Variants in DNAH1 observed in about 807,000 individuals in gnomAD.
DNAH1 encodes the protein dynein axonemal heavy chain 1, also known as axonemal beta dynein heavy chain 1.
Under a neutral mutation model 484.3 loss-of-function variants are expected in DNAH1, and 327 were observed. The observed-to-expected ratio is 0.68, with a 90% CI of 0.62 to 0.74. The LOEUF (loss-of-function observed/expected upper bound fraction) is 0.74, where lower values mean the gene tolerates loss of function less well. Among genes scored for constraint, DNAH1 ranks in the 30% least tolerant of loss-of-function variants. DNAH1 has a pLI of 0.00. For synonymous variants in DNAH1, 2,192 were observed against 2,191.9 expected (o/e 1.00, Z 0.00); for missense variants, 5,052 against 5,546.8 (o/e 0.91, Z 2.83).
intron 44 of DNAH1, chr3:52,373,937 G>C (rs563807957): frequency 7.6e-6 from 10 of 1,315,614 alleles, no homozygotes; most frequent in Non-Finnish European, 9.8e-6. Context: ...ATGAACCAAC[G>C]TTAGAAGCAG....
At chr3:52,370,908 G>C in intron 41 of DNAH1, 83 bp downstream of exon 41, 12 of 1,382,788 alleles carry the variant, frequency 8.7e-6, no homozygotes, top group Non-Finnish European at 1.2e-5. Context: ...TGGCCACACA[G>C]GGAGCCGTCA....
chr3:52,386,474 G>A, intron 55 of DNAH1, 129 bp downstream of exon 55: 2 of 1,353,740 alleles, frequency 1.5e-6, no homozygotes, highest in Non-Finnish European at 2.0e-6. Context: ...GCCCAAGTAG[G>A]AGCATGGGCA....
rs79933878 is a variant in DNAH1, at chr3:52,324,143, T to G, written c.406+263T>G. ...CTGCCAGGGGTCAGAGCCACAGCTT[T>G]CTTTCCCTGGCTGAGGTCAGAAGGG... On this transcript the variant is annotated intron_variant, in intron 3 of 77. Transcript: ENST00000420323. Among the ~76,000 whole-genome samples, 956 of 152,284 alleles carry G rather than the reference T, an allele frequency of 6.3e-3. 7 individuals are homozygous for G. The highest frequency in any genetic ancestry group is 9.7e-3 in the Non-Finnish European group (659 of 68,010).
rs546655342 is a variant in DNAH1, at chr3:52,349,788, G to A, written c.2527-201G>A. On this transcript the variant is annotated intron_variant, in intron 14 of 77. Coordinates refer to ENST00000420323, the MANE Select transcript of DNAH1 (RefSeq NM_015512.5). Reference sequence around the variant, plus strand: ...GGAGGCTGGAAGGGTGAGGTGTGCCGGGTCATACCCTTGCCCCACTGACAG... The same window carrying A: ...GGAGGCTGGAAGGGTGAGGTGTGCCAGGTCATACCCTTGCCCCACTGACAG... Among the ~76,000 whole-genome samples, 48 of 152,322 alleles carry A rather than the reference G, an allele frequency of 3.2e-4. No individual in the cohort carries two copies. The Middle Eastern group carries it at 0.01, about 32-fold the overall frequency.
intron 22 of DNAH1, among the ~76,000 whole-genome samples, chr3:52,357,344 A>T (rs1461963378): frequency 6.6e-6 from 1 of 152,152 alleles, no homozygotes; most frequent in Non-Finnish European, 1.5e-5. Context: ...GTGAGCCACC[A>T]TGCCCGGCCC....
rs972136179 is a variant in DNAH1, at chr3:52,388,150, C to T, written c.9004-17C>T. The T allele has an allele frequency of 3.5e-5, 56 of 1,602,510 alleles. No homozygotes were observed. The highest frequency in any genetic ancestry group is 4.6e-5 in the Non-Finnish European group (54 of 1,174,516). On this transcript the variant is annotated splice_polypyrimidine_tract_variant and intron_variant, in intron 56 of 77. Transcript: ENST00000420323. ...CCTTGAGAAGCAGCCTCTTGAGACC[C>T]AGGCTTCCCACCTCAGGACAACATT...
Position 52,332,287 on chromosome 3 carries a change from G to A in DNAH1, c.1179G>A (p.Leu393=). ...KNTEALLLYN[L]YVDCMPSDGQ... is the part of the protein sequence containing the mutation. ...CGGAAGCACTGCTGCTCTACAACTT[G>A]TATGTGGACTGCATGCCCTCTGACG... Residue 393 remains leucine (L), a synonymous_variant, in exon 8 of 78, where the codon TTG becomes TTA. Coordinates refer to ENST00000420323, the MANE Select transcript of DNAH1 (RefSeq NM_015512.5). 2 of 1,614,074 alleles carry A rather than the reference G, an allele frequency of 1.2e-6. No homozygotes were observed. The highest frequency in any genetic ancestry group is 2.2e-5 in the South Asian group (2 of 91,082).
intron 16 of DNAH1, 148 bp from the exon 17 acceptor site, chr3:52,351,814 C>T: frequency 5.2e-6 from 5 of 965,584 alleles, no homozygotes; most frequent in Non-Finnish European, 7.7e-6. Context: ...GCTGTCTGGC[C>T]CCAGGTAGCC....
At chr3:52,349,493 A>C in intron 14 of DNAH1, 73 bp downstream of exon 14, 2 of 1,398,524 alleles carry the variant, frequency 1.4e-6, no homozygotes, top group Non-Finnish European at 2.0e-6. Context: ...ACCCTCACAT[A>C]CATGGCAAGA....
Position 52,388,510 on chromosome 3 carries a change from C to T in DNAH1, c.9264C>T (p.Ile3088=), listed in dbSNP as rs1015352837. 6.8e-6 allele frequency: 11 copies of T among 1,612,548 alleles called. No homozygotes were observed. The highest frequency in any genetic ancestry group is 3.3e-5 in the South Asian group (3 of 90,798). The part of the protein sequence containing the change: ...KQRLREVEDG[I]ATMQAKYREC... ...GCCTTCGTGAGGTGGAGGACGGCATCGCCACAATGCAGGCTAAGTACCGGG... is the reference window on the plus strand; with the variant it reads ...GCCTTCGTGAGGTGGAGGACGGCATTGCCACAATGCAGGCTAAGTACCGGG... Residue 3088 remains isoleucine, a synonymous_variant, in exon 58 of 78, where the codon ATC becomes ATT. Transcript: ENST00000420323.
Position 52,394,640 on chromosome 3 carries a change from T to C in DNAH1, c.10802T>C (p.Phe3601Ser), listed in dbSNP as rs1352153665. 15 of 1,581,478 alleles carry C rather than the reference T, an allele frequency of 9.5e-6. No individual in the cohort carries two copies. Among genetic ancestry groups the C allele is most frequent in the Non-Finnish European group, 1.2e-5 (14 of 1,161,130 alleles). ...CACCTCTCAGAATTCCGGGTCATCT[T>C]CGACAGCCTTGAGCCCCACCGGTTA... The part of the protein sequence containing the change: ...VKHLSEFRVI[F>S]DSLEPHREPL... The change falls in exon 67 of 78, where the codon TTC (phenylalanine) becomes TCC (serine). Residue 3601 changes from phenylalanine (F) to serine (S), a missense_variant. Physicochemically the swap from Phe to Ser is radical, Grantham distance 155 (BLOSUM62 -2). Coordinates refer to ENST00000420323, the MANE Select transcript of DNAH1 (RefSeq NM_015512.5).
At chr3:52,373,886 T>A in intron 44 of DNAH1, 4 of 1,393,512 alleles carry the variant, frequency 2.9e-6, no homozygotes, top group Non-Finnish European at 4.1e-6. Flanking sequence ...TATTACCACC[T>A]TCCTCCAATC....
intron 75 of DNAH1, among the ~76,000 whole-genome samples, chr3:52,398,598 T>C (rs940098197): frequency 1.3e-5 from 2 of 152,186 alleles, no homozygotes; most frequent in African/African-American, 2.4e-5. Flanking sequence ...AACTCAGCCA[T>C]ATTTTTATTA....
chr3:52,395,502 G>T lies in DNAH1; in HGVS notation c.11127+36G>T, dbSNP rs759778564. 1 of 1,613,278 alleles carries T rather than the reference G, an allele frequency of 6.2e-7. No homozygotes were observed. The highest frequency in any genetic ancestry group is 1.3e-5 in the African/African-American group (1 of 74,944). On this transcript the variant is annotated intron_variant, in intron 69 of 77. Transcript: ENST00000420323. The surrounding 1 kb of genome is among the most constrained non-coding windows in gnomAD (Gnocchi z 4.4). ...GGCAGGGAGGAAGGGAGTGGGCTGG[G>T]GGGTGGGCAAGCTGGCCCCCTGCTC...
intron 16 of DNAH1, 111 bp from the exon 17 acceptor site, chr3:52,351,846 CCTGAA>C: frequency 7.7e-7 from 1 of 1,291,780 alleles, no homozygotes; most frequent in Non-Finnish European, 1.1e-6. Context: ...CTGGATTTCC[CCTGAA>C]CCCCTTCTCA....
Position 52,349,472 on chromosome 3 carries a change from A to G in DNAH1, c.2526+52A>G, listed in dbSNP as rs553664787. 1.3e-4 allele frequency: 196 copies of G among 1,526,612 alleles called. 4 individuals carry two copies. In the South Asian group the frequency reaches 2.0e-3, roughly 16 times the overall value. 94.6% of individuals were successfully genotyped at this position (1,526,612 alleles called of 1,614,324 possible). On this transcript the variant is annotated intron_variant, in intron 14 of 77. Coordinates refer to ENST00000420323, the MANE Select transcript of DNAH1 (RefSeq NM_015512.5). ...TGACCACAGCAGCACACACCACAGCAGCACACACGGACCCTCACATACATG... is the reference window on the plus strand; with the variant it reads ...TGACCACAGCAGCACACACCACAGCGGCACACACGGACCCTCACATACATG...
At position 52,395,259 on chromosome 3, in the gene DNAH1, A is replaced by T. The variant is rs1271543039; in HGVS notation, c.10969-49A>T. 1 of 1,592,752 alleles carries T rather than the reference A, an allele frequency of 6.3e-7. No homozygotes were observed. Among genetic ancestry groups the T allele is most frequent in the East Asian group, 2.3e-5 (1 of 44,104 alleles). On this transcript the variant is annotated intron_variant, in intron 68 of 77. Coordinates refer to ENST00000420323, the MANE Select transcript of DNAH1 (RefSeq NM_015512.5). The surrounding 1 kb of genome is among the most constrained non-coding windows in gnomAD (Gnocchi z 4.4). ...CCCCAGATCCCCCTCCCTTGCCCCG[A>T]TCTCTCTGCAGCCCCAGGTGGTCTC...
intron 42 of DNAH1, 43 bp from the exon 43 acceptor site, chr3:52,372,184 A>G: frequency 6.2e-7 from 1 of 1,611,834 alleles, no homozygotes; most frequent in East Asian, 2.2e-5. Context: ...CCTCCTGTGC[A>G]CCAGGCCCAC....
rs1401043790 is a variant in DNAH1, at chr3:52,397,794, C to G, written c.11875C>G (p.Gln3959Glu). Residue 3959 changes from glutamine to glutamate, a missense_variant, in exon 74 of 78, where the codon CAG becomes GAG. By Grantham distance (29) the Gln-to-Glu change is conservative. Transcript: ENST00000420323. ...LHDNANITFA[Q>E]NETFALLGTI... ...TGACAATGCCAACATCACCTTTGCC[C>G]AGAACGAGACGTTCGCCCTCCTGGG... The G allele has an allele frequency of 3.1e-6, 5 of 1,613,770 alleles. No individual in the cohort carries two copies.
Sources: allele counts gnomAD v4.1 joint callset (sites outside exome capture counted in the v4.1 genomes callset), GRCh38; gene constraint gnomAD v4.1.1; non-coding constraint Gnocchi (gnomAD v3.1); transcripts MANE v1.5; gene names NCBI Gene and HGNC (gene_info 2026-07-23, HGNC 2026-07-21).